The following ZNF567 variants were observed in gnomAD, a reference collection of about 807,000 sequenced individuals.
ZNF567 encodes the protein zinc finger protein 567.
ZNF567 carries 36 observed loss-of-function variants against 53.9 expected under a neutral mutation model. The observed-to-expected ratio is 0.67, with a 90% CI of 0.51 to 0.88. ZNF567 has a LOEUF of 0.88. Among genes scored for constraint, ZNF567 ranks in the 40% least tolerant of loss-of-function variants. ZNF567 has a pLI of 0.00. For missense variants in ZNF567, 619 were observed against 764.7 expected (o/e 0.81, Z 2.25); for synonymous variants, 224 against 260.4 (o/e 0.86, Z 1.35).
chr19:36,714,320 C>T (rs1024565349), intron 5 of ZNF567: 2 of 337,438 alleles, frequency 5.9e-6, no homozygotes, highest in Admixed American at 9.6e-5. Context: ...CATCAACAGG[C>T]CTGGCTAACT....
chr19:36,702,195 G>A (rs2039231639), intron 3 of ZNF567, among the ~76,000 whole-genome samples: 1 of 151,952 alleles, frequency 6.6e-6, no homozygotes, highest in Non-Finnish European at 1.5e-5. Flanking sequence ...GCTTAGTTTG[G>A]CTGGATATGA....
chr19:36,689,631 T>C (rs1359076931), intron 2 of ZNF567, 134 bp downstream of exon 2: 1 of 152,208 alleles, frequency 6.6e-6, no homozygotes, highest in African/African-American at 2.4e-5. Flanking sequence ...CCACCGACTC[T>C]GGTGGGTGGG....
At chr19:36,695,384 C>G (rs2038831398) in intron 3 of ZNF567, among the ~76,000 whole-genome samples, 2 of 151,840 alleles carry the variant, frequency 1.3e-5, no homozygotes, top group Admixed American at 6.6e-5. Context: ...TAAAAATTAG[C>G]TGGGCTTGGT....
chr19:36,701,664 C>T (rs1162061433), intron 3 of ZNF567, among the ~76,000 whole-genome samples: 3 of 150,078 alleles, frequency 2.0e-5, no homozygotes, highest in Non-Finnish European at 4.5e-5. Context: ...GAATTGATCC[C>T]TTTACCATTA....
intron 3 of ZNF567, among the ~76,000 whole-genome samples, chr19:36,702,925 C>T (rs188700018): frequency 1.3e-5 from 2 of 152,200 alleles, no homozygotes; most frequent in Non-Finnish European, 2.9e-5. Flanking sequence ...TCTCTCAACT[C>T]GTCAAAGTCA....
chr19:36,719,426 A>AG lies in ZNF567; in HGVS notation c.703dup (p.Glu235GlyfsTer7). The AG allele has an allele frequency of 6.2e-7, 1 of 1,613,476 alleles. No individual in the cohort carries two copies. Among genetic ancestry groups the AG allele is most frequent in the Non-Finnish European group, 8.5e-7 (1 of 1,179,878 alleles). On this transcript the variant is annotated frameshift_variant, in exon 6 of 6. Coordinates refer to ENST00000682579, the MANE Select transcript of ZNF567 (RefSeq NM_001322917.1). LOFTEE classifies it high-confidence loss of function. ...TTACACATAGTAGACCTTACAAAGG[A>AG]GAAAACCCATCTGTATATAATAAAA...
the ZNF567 span, among the ~76,000 whole-genome samples, chr19:36,680,565 C>T: frequency 2.6e-5 from 4 of 152,144 alleles, no homozygotes; most frequent in African/African-American, 9.7e-5. Context: ...ATGAGACTGC[C>T]TGATTCCCTG....
chr19:36,697,864 G>A (rs1444317425), intron 3 of ZNF567, among the ~76,000 whole-genome samples: 5 of 151,520 alleles, frequency 3.3e-5, no homozygotes, highest in African/African-American at 1.2e-4. Context: ...GCCTGCCTTG[G>A]CTTCCCCAAG....
chr19:36,719,901 T>A lies in ZNF567; in HGVS notation c.1177T>A (p.Tyr393Asn). 6.2e-7 allele frequency: 1 copy of A among 1,606,182 alleles called. No homozygotes were observed. The highest frequency in any genetic ancestry group is 8.5e-7 in the Non-Finnish European group (1 of 1,174,330). Residue 393 changes from tyrosine to asparagine, a missense_variant, in exon 6 of 6, where the codon TAC becomes AAC. Physicochemically the swap from Tyr to Asn is moderately radical, Grantham distance 143 (BLOSUM62 -2). Transcript: ENST00000682579. Reference sequence around the variant, plus strand: ...GAGAATCCATACAGGTGAGAAACCCTACATTTGTAAAGAATGTGGGAAGTC... The same window carrying A: ...GAGAATCCATACAGGTGAGAAACCCAACATTTGTAAAGAATGTGGGAAGTC... The part of the protein sequence containing the change: ...HQRIHTGEKP[Y>N]ICKECGKSFH...
At chr19:36,725,521 A>C (rs2040332118), downstream of ZNF567, among the ~76,000 whole-genome samples, 1 of 152,134 alleles carries the variant, frequency 6.6e-6, no homozygotes, top group Admixed American at 6.6e-5. Flanking sequence ...AATTTTCGCA[A>C]GTTGGGTACA....
At chr19:36,678,891 G>A in the ZNF567 span, among the ~76,000 whole-genome samples, 11 of 151,720 alleles carry the variant, frequency 7.3e-5, no homozygotes, top group African/African-American at 2.7e-4. Context: ...TTAAAAATGG[G>A]CAAAGGACTT....
chr19:36,721,959 G>T (rs545369874), downstream of ZNF567, among the ~76,000 whole-genome samples: 2 of 151,930 alleles, frequency 1.3e-5, no homozygotes, highest in Admixed American at 1.3e-4. Context: ...TGGTCAGACT[G>T]GTCTCGAACT....
At chr19:36,666,936 A>G in the ZNF567 span, 3 of 152,554 alleles carry the variant, frequency 2.0e-5, no homozygotes, top group Non-Finnish European at 2.9e-5. Flanking sequence ...GCACTTGCGC[A>G]GTTTCACCCG....
chr19:36,712,959 T>A, intron 5 of ZNF567, 92 bp downstream of exon 5: 1 of 1,003,680 alleles, frequency 1.0e-6, no homozygotes, highest in Non-Finnish European at 1.4e-6. Context: ...GTTTCAGGAG[T>A]ATCTTTTTTT....
the ZNF567 span, among the ~76,000 whole-genome samples, chr19:36,677,458 CAAAAAAAAAAAAAAAAAA>C: frequency 7.9e-5 from 4 of 50,912 alleles, no homozygotes; most frequent in Admixed American, 6.7e-4. Context: ...GACTCTGTCT[CAAAAAAAAAAAAAAAAAA>C]AAAAAAAAGG....
At chr19:36,726,178 T>C (rs1009633862), downstream of ZNF567, among the ~76,000 whole-genome samples, 61 of 152,250 alleles carry the variant, frequency 4.0e-4, no homozygotes, top group African/African-American at 1.4e-3. Flanking sequence ...TGTTGAGATA[T>C]TGTATCTCAT....
At chr19:36,710,316 A>C (rs889807752) in intron 3 of ZNF567, among the ~76,000 whole-genome samples, 26 of 127,128 alleles carry the variant, frequency 2.0e-4, no homozygotes, top group African/African-American at 8.0e-4. Flanking sequence ...AAAATCTGAC[A>C]TCAGGGCCCA....
At chr19:36,703,367 G>C (rs898627239) in intron 3 of ZNF567, among the ~76,000 whole-genome samples, 3 of 151,882 alleles carry the variant, frequency 2.0e-5, no homozygotes, top group African/African-American at 7.3e-5. Flanking sequence ...TAGGCTGCTC[G>C]GGGGTCAGGG....
chr19:36,673,292 G>A, the ZNF567 span, among the ~76,000 whole-genome samples: 1 of 152,280 alleles, frequency 6.6e-6, no homozygotes, highest in African/African-American at 2.4e-5. Context: ...GTACCAAGTC[G>A]ACAAGGGTGG....
Sources: gnomAD v4.1 joint callset for allele counts (sites outside exome capture counted in the v4.1 genomes callset) on GRCh38, gnomAD v4.1.1 for gene constraint, MANE v1.5 for transcripts, NCBI Gene and HGNC (gene_info 2026-07-23, HGNC 2026-07-21) for gene names.